The following TNRC6A variants were observed in gnomAD, a reference collection of about 807,000 sequenced individuals.
TNRC6A encodes trinucleotide repeat containing adaptor 6A, also known as trinucleotide repeat-containing gene 6A protein.
Under a neutral mutation model 221.2 loss-of-function variants are expected in TNRC6A, and 44 were observed. The ratio of observed to expected loss-of-function variants is 0.20; its 90% confidence interval spans 0.16 to 0.26. The LOEUF is 0.26. TNRC6A is among the 10% of genes least tolerant of loss of function. TNRC6A has a pLI of 1.00. For synonymous variants in TNRC6A, 847 were observed against 838.5 expected (o/e 1.01, Z -0.18); for missense variants, 2,199 against 2,404.4 (o/e 0.91, Z 1.79).
intron 4 of TNRC6A, among the ~76,000 whole-genome samples, chr16:24,772,904 AT>A (rs2151674981): frequency 6.6e-6 from 1 of 152,340 alleles, no homozygotes; most frequent in African/African-American, 2.4e-5. Context: ...ATCTGTTTAG[AT>A]TTCCTGCCTC....
intron 4 of TNRC6A, among the ~76,000 whole-genome samples, chr16:24,763,568 G>A (rs959992023): frequency 2.0e-5 from 3 of 152,120 alleles, no homozygotes; most frequent in African/African-American, 7.2e-5. Flanking sequence ...CTTGAGAAAC[G>A]AAGGAAATGA....
rs746935480 is a variant in TNRC6A, at chr16:24,789,795, G to A, written c.1153G>A (p.Gly385Arg). The A allele has an allele frequency of 6.2e-7, 1 of 1,614,048 alleles. No individual in the cohort carries two copies. The highest frequency in any genetic ancestry group is 1.3e-5 in the African/African-American group (1 of 74,936). Residue 385 changes from glycine to arginine, a missense_variant, in exon 6 of 25, where the codon GGG (glycine) becomes AGG (arginine). Around this residue, in one of 8 missense-constraint regions of TNRC6A, gnomAD observed 1,405 missense variants for 1,400.2 expected, o/e 1.00. Transcript: ENST00000395799. ...NNGLALKGPV[G>R]SGSSGINIQC... is the part of the protein sequence containing the mutation. Reference sequence around the variant, plus strand: ...TGGACTTGCCCTAAAAGGGCCTGTAGGGAGTGGTAGTTCTGGCATTAATAT... The same window carrying A: ...TGGACTTGCCCTAAAAGGGCCTGTAAGGAGTGGTAGTTCTGGCATTAATAT...
At chr16:24,663,885 G>A in intron 2 of TNRC6A, 1 of 456,168 alleles carries the variant, frequency 2.2e-6, no homozygotes, top group Non-Finnish European at 4.4e-6. Flanking sequence ...ATATACAGAA[G>A]CCCTCTTATC....
rs2058065695 is a variant in TNRC6A, at chr16:24,790,106, G to C, written c.1464G>C (p.Met488Ile). The change falls in exon 6 of 25, where the codon ATG (methionine) becomes ATC (isoleucine). Residue 488 changes from methionine to isoleucine, a missense_variant. Physicochemically the swap from Met to Ile is conservative, Grantham distance 10 (BLOSUM62 1). Coordinates refer to ENST00000395799, the MANE Select transcript of TNRC6A (RefSeq NM_014494.4). ...CAGGGGCCTGGCGTGTGAGCACAAT[G>C]AATCATCCTCAGATGCAGGCTCCAT... ...SNTGAWRVSTMNHPQMQAPSG... is the reference protein window; with the variant it reads ...SNTGAWRVSTINHPQMQAPSG... 6.2e-7 allele frequency: 1 copy of C among 1,614,044 alleles called. No individual in the cohort carries two copies. The highest frequency in any genetic ancestry group is 1.7e-5 in the Admixed American group (1 of 60,000).
At position 24,631,174 on chromosome 16, in the gene TNRC6A, G is replaced by A. The variant is rs189895431; in HGVS notation, n.277-9710G>A. Among the ~76,000 whole-genome samples the A allele has an allele frequency of 3.0e-4, 45 of 152,286 alleles. 1 individual carries two copies. Among genetic ancestry groups the A allele is most frequent in the Admixed American group, 2.4e-3 (37 of 15,300 alleles). On this transcript the variant is annotated intron_variant and non_coding_transcript_variant, in intron 1 of 2. Transcript: ENST00000566108. Reference sequence around the variant, plus strand: ...AGGAGGATAACATCTATTTTATTTAGCAGCTTGCTTGGCTGATAGCATTTA... The same window carrying A: ...AGGAGGATAACATCTATTTTATTTAACAGCTTGCTTGGCTGATAGCATTTA...
chr16:24,676,828 A>G (rs2055428900), intron 2 of TNRC6A, among the ~76,000 whole-genome samples: 3 of 152,044 alleles, frequency 2.0e-5, no homozygotes, highest in South Asian at 4.2e-4. Flanking sequence ...ACTCTATGAC[A>G]TCCCACTCCT....
In TNRC6A at chr16:24,701,991, A is replaced by G. The variant is rs1278297151; in HGVS notation, n.403-48735A>G. Among the ~76,000 whole-genome samples the G allele has an allele frequency of 3.0e-4, 45 of 152,068 alleles. 1 individual carries two copies. The highest frequency in any genetic ancestry group is 2.9e-5 in the Non-Finnish European group (2 of 67,964). On this transcript the variant is annotated intron_variant and non_coding_transcript_variant, in intron 2 of 2. Coordinates refer to the TNRC6A transcript ENST00000566108. ...CCTGTACTGAAAAAAAACAAAAACA[A>G]AAAAAACACGCCTCTCAATAACCCC...
intron 2 of TNRC6A, among the ~76,000 whole-genome samples, chr16:24,649,628 G>T (rs1162989070): frequency 4.6e-5 from 7 of 151,964 alleles, no homozygotes; most frequent in African/African-American, 1.7e-4. Flanking sequence ...TTCTTTGTGT[G>T]TGTGTGGTAA....
chr16:24,717,774 T>TC (rs1434465262), intron 2 of TNRC6A, among the ~76,000 whole-genome samples: 3 of 146,026 alleles, frequency 2.1e-5, no homozygotes, highest in Non-Finnish European at 4.5e-5. Flanking sequence ...TTTTTTCTTT[T>TC]TTTTTTTTTT....
intron 1 of TNRC6A, among the ~76,000 whole-genome samples, chr16:24,637,540 A>G (rs1901697272): frequency 6.6e-6 from 1 of 152,194 alleles, no homozygotes; most frequent in Non-Finnish European, 1.5e-5. Context: ...GATCAGACCT[A>G]TGGAGGGAAA....
chr16:24,664,518 A>G (rs1409566250), intron 2 of TNRC6A, among the ~76,000 whole-genome samples: 1 of 143,480 alleles, frequency 7.0e-6, no homozygotes, highest in East Asian at 2.0e-4. Context: ...ATAATATATA[A>G]TAAATATAAT....
intron 5 of TNRC6A, among the ~76,000 whole-genome samples, chr16:24,787,804 G>T (rs2058007112): frequency 6.6e-6 from 1 of 152,192 alleles, no homozygotes; most frequent in Non-Finnish European, 1.5e-5. Flanking sequence ...GAGAGCAAAT[G>T]ATGCAAATTG....
chr16:24,614,537 A>G (rs1436243638), intron 1 of TNRC6A, among the ~76,000 whole-genome samples: 2 of 152,200 alleles, frequency 1.3e-5, no homozygotes, highest in East Asian at 3.8e-4. Flanking sequence ...TGCTTGGAAC[A>G]AGCACGGGTC....
chr16:24,815,679 C>T, intron 19 of TNRC6A: 1 of 239,128 alleles, frequency 4.2e-6, no homozygotes, highest in Non-Finnish European at 8.4e-6. Context: ...CACGGTGAAA[C>T]CCCGTCTCTA....
intron 2 of TNRC6A, among the ~76,000 whole-genome samples, chr16:24,719,265 A>G (rs988020689): frequency 7.2e-5 from 11 of 152,122 alleles, no homozygotes; most frequent in African/African-American, 2.4e-4. Flanking sequence ...AGACACTTGT[A>G]ATCATAGCAC....
At chr16:24,646,961 C>CTT (rs1902323807) in intron 2 of TNRC6A, among the ~76,000 whole-genome samples, 2 of 151,752 alleles carry the variant, frequency 1.3e-5, no homozygotes, top group Non-Finnish European at 2.9e-5. Flanking sequence ...CAGAGTTTCC[C>CTT]TCTATTTCCC....
intron 5 of TNRC6A, among the ~76,000 whole-genome samples, chr16:24,784,819 T>C (rs2057931632): frequency 6.6e-6 from 1 of 152,218 alleles, no homozygotes; most frequent in African/African-American, 2.4e-5. Flanking sequence ...AGAACATTTT[T>C]CACTAACATT....
At chr16:24,627,985 CG>C (rs1477265142) in intron 1 of TNRC6A, among the ~76,000 whole-genome samples, 2 of 151,566 alleles carry the variant, frequency 1.3e-5, no homozygotes, top group African/African-American at 4.8e-5. Context: ...GCATGAGCCA[CG>C]GCACTTGGCC....
At chr16:24,722,764 A>G (rs2056432221) in intron 2 of TNRC6A, among the ~76,000 whole-genome samples, 1 of 152,132 alleles carries the variant, frequency 6.6e-6, no homozygotes, top group Non-Finnish European at 1.5e-5. Context: ...TACGAATTAT[A>G]CCACCACAAC....
Sources: gnomAD v4.1 joint callset for allele counts (sites outside exome capture counted in the v4.1 genomes callset) on GRCh38, gnomAD v4.1.1 for gene constraint, gnomAD v4.1.1 regional missense constraint, MANE v1.5 for transcripts, NCBI Gene and HGNC (gene_info 2026-07-23, HGNC 2026-07-21) for gene names.